UTRN: variants seen among roughly 807,000 people sequenced by gnomAD.
UTRN encodes the protein dystrophin-related protein 1.
Under a neutral mutation model 463.9 loss-of-function variants are expected in UTRN, and 283 were observed. That is an observed-to-expected ratio of 0.61 (90% CI 0.55 to 0.67). The LOEUF is 0.67. Ranked by LOEUF, UTRN falls within the 30% of genes least tolerant of loss-of-function variation. The probability of loss-of-function intolerance (pLI) is 0.00; values close to 1 mark genes in which losing one functional copy is unlikely to be tolerated. For missense variants in UTRN, 3,922 were observed against 4,084.3 expected, an observed-to-expected ratio of 0.96 and a Z score of 1.08; for synonymous variants, 1,442 against 1,431.5, an observed-to-expected ratio of 1.01 and a Z score of -0.17.
At chr6:144,321,907 G>A (rs1342982658) in intron 2 of UTRN, among the ~76,000 whole-genome samples, 1 of 152,056 alleles carries the variant, frequency 6.6e-6, no homozygotes. Context: ...GGGATTACAG[G>A]TGCCTACATT....
At chr6:144,430,982 AC>A (rs1263503592) in intron 9 of UTRN, among the ~76,000 whole-genome samples, 1 of 152,168 alleles carries the variant, frequency 6.6e-6, no homozygotes, top group East Asian at 1.9e-4. Context: ...CTGATTGTGA[AC>A]CCAGGGCTCT....
chr6:144,450,924 C>T (rs1001621798), intron 17 of UTRN, among the ~76,000 whole-genome samples: 68 of 152,086 alleles, frequency 4.5e-4, no homozygotes, highest in African/African-American at 1.6e-3. Context: ...GTCAGCCTGG[C>T]CAACATGGTG....
intron 25 of UTRN, among the ~76,000 whole-genome samples, chr6:144,477,908 T>TATCATCTATCTATCTATCC (rs376542743): frequency 4.7e-5 from 7 of 147,426 alleles, no homozygotes; most frequent in Admixed American, 4.1e-4. Context: ...TCTATCTATC[T>TATCATCTATCTATCTATCC]ATCCATCCAT....
At chr6:144,850,551 T>G (rs1357403043) in intron 74 of UTRN, among the ~76,000 whole-genome samples, 1 of 152,122 alleles carries the variant, frequency 6.6e-6, no homozygotes, top group Admixed American at 6.6e-5. Flanking sequence ...CTAAACACCC[T>G]TGGGTTATGA....
chr6:144,526,238 T>G (rs1796560525), intron 41 of UTRN, among the ~76,000 whole-genome samples: 1 of 152,234 alleles, frequency 6.6e-6, no homozygotes, highest in Non-Finnish European at 1.5e-5. Flanking sequence ...TGTTTCTTTG[T>G]CGACTTTCTG....
intron 53 of UTRN, among the ~76,000 whole-genome samples, chr6:144,730,040 A>G (rs1307190992): frequency 6.6e-6 from 1 of 152,276 alleles, no homozygotes; most frequent in African/African-American, 2.4e-5. Flanking sequence ...ATTATATTTT[A>G]TCAATCTGAC....
Position 144,448,607 on chromosome 6 carries a change from A to G in UTRN, c.1910A>G (p.Gln637Arg). Residue 637 changes from glutamine (Q) to arginine (R), a missense_variant, in exon 17 of 75, where the codon CAG becomes CGG. By Grantham distance (43) the Gln-to-Arg change is conservative. Coordinates refer to ENST00000367545, the MANE Select transcript of UTRN (RefSeq NM_007124.3). ...RLEDSSNQVT[Q>R]AVAKLGMSQI... ...GGATGGCTTTTATTTCAGGTGACTC[A>G]GGCTGTAGCAAAGCTGGGGATGTCT... is the stretch of plus-strand genomic sequence containing the variant. 1.2e-6 allele frequency: 2 copies of G among 1,613,238 alleles called. No individual in the cohort carries two copies. Among genetic ancestry groups the G allele is most frequent in the Non-Finnish European group, 1.7e-6 (2 of 1,179,590 alleles).
chr6:144,596,008 A>G (rs538222098), intron 51 of UTRN, among the ~76,000 whole-genome samples: 1 of 152,280 alleles, frequency 6.6e-6, no homozygotes, highest in East Asian at 1.9e-4. Context: ...TTTTGAAGTA[A>G]TTGCTTCTAA....
chr6:144,768,213 T>C (rs1414794013), intron 58 of UTRN, among the ~76,000 whole-genome samples: 1 of 151,854 alleles, frequency 6.6e-6, no homozygotes, highest in Non-Finnish European at 1.5e-5. Flanking sequence ...ATTATTTGTG[T>C]TTTACTTTCT....
intron 52 of UTRN, among the ~76,000 whole-genome samples, chr6:144,696,960 A>C (rs9376842): frequency 6.6e-6 from 1 of 151,942 alleles, no homozygotes; most frequent in African/African-American, 2.4e-5. Context: ...GTTTGTAGTT[A>C]CTTCCATAAT....
At chr6:144,848,907 A>G (rs775501341) in intron 74 of UTRN, among the ~76,000 whole-genome samples, 1 of 152,192 alleles carries the variant, frequency 6.6e-6, no homozygotes, top group Middle Eastern at 3.4e-3. Context: ...ATGATATGAG[A>G]TTCAAAGCTG....
At chr6:144,536,611 G>T (rs12205822) in intron 43 of UTRN, among the ~76,000 whole-genome samples, 1 of 151,720 alleles carries the variant, frequency 6.6e-6, no homozygotes, top group Non-Finnish European at 1.5e-5. Context: ...ACGATTATGT[G>T]AGAACTTTTG....
At position 144,828,810 on chromosome 6, in the gene UTRN, C is replaced by T. The variant is rs1048756428; in HGVS notation, c.9620C>T (p.Thr3207Ile). 12 of 1,613,428 alleles carry T rather than the reference C, an allele frequency of 7.4e-6. No homozygotes were observed. The highest frequency in any genetic ancestry group is 1.0e-5 in the Non-Finnish European group (12 of 1,179,580). The change falls in exon 69 of 75, where the codon ACT (threonine) becomes ATT (isoleucine). Residue 3207 changes from threonine (T) to isoleucine (I), a missense_variant. Thr to Ile is a moderately conservative substitution (Grantham distance 89). Transcript: ENST00000367545. ...YATRLAQMER[T>I]NGSFLTDSSS... is the part of the protein sequence containing the mutation. The stretch of plus-strand genomic sequence containing the variant: ...TGCAGACTGGCCCAGATGGAAAGGA[C>T]TAATGGGTCTTTTCTCACTGATAGC...
chr6:144,463,458 G>T (rs949509972), intron 23 of UTRN, among the ~76,000 whole-genome samples: 8 of 152,172 alleles, frequency 5.3e-5, no homozygotes, highest in Non-Finnish European at 1.2e-4. Flanking sequence ...GTCAATAGAA[G>T]TCAGTGTCAG....
chr6:144,451,146 T>C (rs922624637), intron 17 of UTRN, among the ~76,000 whole-genome samples: 3 of 152,200 alleles, frequency 2.0e-5, no homozygotes, highest in Non-Finnish European at 2.9e-5. Context: ...TATTTAATTA[T>C]TTTCTTCAAT....
At chr6:144,289,486 A>G (rs1220627653) in intron 1 of UTRN, among the ~76,000 whole-genome samples, 1 of 152,004 alleles carries the variant, frequency 6.6e-6, no homozygotes. Flanking sequence ...ATTATTTAAA[A>G]TTTTTATTTA....
intron 26 of UTRN, among the ~76,000 whole-genome samples, chr6:144,480,793 G>T (rs1365177756): frequency 6.6e-6 from 1 of 151,958 alleles, no homozygotes; most frequent in African/African-American, 2.4e-5. Context: ...TTACCTCAAA[G>T]TTAACTTACC....
intron 2 of UTRN, among the ~76,000 whole-genome samples, chr6:144,337,406 C>T (rs1473414367): frequency 6.6e-6 from 1 of 152,166 alleles, no homozygotes; most frequent in Non-Finnish European, 1.5e-5. Flanking sequence ...TACTTGCATG[C>T]AGCTTTCTTG....
At chr6:144,424,765 T>G (rs1055759707) in intron 6 of UTRN, among the ~76,000 whole-genome samples, 1 of 152,208 alleles carries the variant, frequency 6.6e-6, no homozygotes, top group African/African-American at 2.4e-5. Flanking sequence ...GTTGTCTATA[T>G]TTCATTTGTA....
Sources: allele counts gnomAD v4.1 joint callset (sites outside exome capture counted in the v4.1 genomes callset), GRCh38; gene constraint gnomAD v4.1.1; transcripts MANE v1.5; gene names NCBI Gene and HGNC (gene_info 2026-07-23, HGNC 2026-07-21).